The following ATM variants were observed in gnomAD, a reference collection of about 807,000 sequenced individuals.
ATM encodes serine-protein kinase ATM.
In ATM, 308 loss-of-function variants were observed where a neutral mutation model predicts 387.0. The observed-to-expected ratio is 0.80, with a 90% confidence interval of 0.73 to 0.87. The LOEUF is 0.87. Among genes scored for constraint, ATM ranks in the 40% least tolerant of loss-of-function variants. The probability of loss-of-function intolerance (pLI) is 0.00; values close to 1 mark genes in which losing one functional copy is unlikely to be tolerated. For missense variants in ATM, 3,312 were observed against 3,560.9 expected (o/e 0.93, Z 1.78); for synonymous variants, 1,156 against 1,187.3 (o/e 0.97, Z 0.54).
intron 61 of ATM, among the ~76,000 whole-genome samples, chr11:108,357,098 C>T (rs1004335561): frequency 3.3e-5 from 5 of 152,146 alleles, no homozygotes; most frequent in Middle Eastern, 3.2e-3. Flanking sequence ...GCACTGTGCG[C>T]GAACTGAAGC....
intron 7 of ATM, 24 bp downstream of exon 7, chr11:108,245,050 T>C (rs1298238835): frequency 6.4e-7 from 1 of 1,555,866 alleles, no homozygotes; most frequent in Non-Finnish European, 8.8e-7. Context: ...GTTTACTGTT[T>C]TGAATTTGCT....
At chr11:108,302,801 T>A (rs2135925560) in intron 35 of ATM, 52 bp from the exon 36 acceptor site, 1 of 1,507,592 alleles carries the variant, frequency 6.6e-7, no homozygotes. Context: ...GTAGGAAAGG[T>A]ACAATGATTT....
intron 61 of ATM, 109 bp downstream of exon 61, chr11:108,354,983 G>C: frequency 1.1e-6 from 1 of 942,688 alleles, no homozygotes; most frequent in East Asian, 2.4e-5. Context: ...AACATAGGGG[G>C]ATGTGGCTGG....
intron 4 of ATM, 34 bp downstream of exon 4, chr11:108,229,357 T>G (rs1314528014): frequency 6.4e-7 from 1 of 1,566,906 alleles, no homozygotes; most frequent in Admixed American, 1.7e-5. Flanking sequence ...ATAAATGGCT[T>G]AACAGATTAC....
At chr11:108,233,233 T>C (rs2079107605) in intron 4 of ATM, among the ~76,000 whole-genome samples, 1 of 152,108 alleles carries the variant, frequency 6.6e-6, no homozygotes, top group Admixed American at 6.5e-5. Flanking sequence ...AGTGCAAAAC[T>C]CAGCTGCGAA....
rs534161625 is a variant in ATM at position 108,278,620 on chromosome 11, C to T, written c.3285-871C>T. Among the ~76,000 whole-genome samples, 3 of 152,152 alleles carry T rather than the reference C, an allele frequency of 2.0e-5. No homozygotes were observed. The South Asian group carries it at 6.2e-4, about 32-fold the overall frequency. On this transcript the variant is annotated intron_variant, in intron 22 of 62. Transcript: ENST00000675843. Reference sequence around the variant, plus strand: ...AGGGCCTCAGACTCATGGCAGAAGGCAAAGAGGAATCAGTGTGTGCAGAGA... The same window carrying T: ...AGGGCCTCAGACTCATGGCAGAAGGTAAAGAGGAATCAGTGTGTGCAGAGA...
intron 26 of ATM, among the ~76,000 whole-genome samples, chr11:108,286,628 G>A (rs918664800): frequency 1.3e-5 from 2 of 152,156 alleles, no homozygotes; most frequent in African/African-American, 4.8e-5. Flanking sequence ...TAAAAGGGAG[G>A]GGGTTGCAAA....
rs2083441818 is a variant in ATM at position 108,301,725 on chromosome 11, T to C, written c.5255T>C (p.Ile1752Thr). 6.2e-7 allele frequency: 1 copy of C among 1,613,718 alleles called. No homozygotes were observed. The highest frequency in any genetic ancestry group is 8.5e-7 in the Non-Finnish European group (1 of 1,179,772). ...AAGACTGGACATAGTTTCTGGGAGA[T>C]TTATAAGATGACAACAGATCCAATG... ...ATKTGHSFWE[I>T]YKMTTDPMLA... Residue 1752 changes from isoleucine to threonine, a missense_variant, in exon 35 of 63, where the codon ATT (isoleucine) becomes ACT (threonine). Transcript: ENST00000675843.
chr11:108,245,066 A>G lies in ATM; in HGVS notation c.901+40A>G, dbSNP rs1162704096. The G allele has an allele frequency of 3.4e-6, 5 of 1,477,828 alleles. No individual in the cohort carries two copies. The East Asian group carries it at 6.8e-5, about 20-fold the overall frequency. The allele number at this position is 1,477,828 out of a possible 1,614,324, so 91.5% of individuals were successfully genotyped here. A position where few individuals can be genotyped will look rare whatever the true frequency, so the allele number is the denominator to read the frequency against. On this transcript the variant is annotated intron_variant, in intron 7 of 62. Coordinates refer to ENST00000675843, the MANE Select transcript of ATM (RefSeq NM_000051.4). ...TTTACTGTTTTGAATTTGCTTCTTC[A>G]TTCAAACATAGAAGTCTAAGTATAA...
At position 108,335,029 on chromosome 11, in the gene ATM, C is replaced by T. The variant is rs531980488; in HGVS notation, c.8071C>T (p.Arg2691Cys). The change falls in exon 55 of 63, where the codon CGC becomes TGC. Residue 2691 changes from arginine to cysteine, a missense_variant. Transcript: ENST00000675843. ...VTIQSFKAEF[R>C]LAGGVNLPKI... Reference sequence around the variant, plus strand: ...TATACAGTCATTTAAAGCAGAATTTCGCTTAGCAGGAGGTGTAAATTTACC... The same window carrying T: ...TATACAGTCATTTAAAGCAGAATTTTGCTTAGCAGGAGGTGTAAATTTACC... The T allele has an allele frequency of 3.9e-5, 63 of 1,613,840 alleles. No homozygotes were observed. In the Admixed American group the frequency reaches 4.3e-4, roughly 11 times the overall value.
chr11:108,233,822 G>T (rs1263395045), intron 4 of ATM, among the ~76,000 whole-genome samples: 1 of 152,008 alleles, frequency 6.6e-6, no homozygotes, highest in Non-Finnish European at 1.5e-5. Context: ...ACTCCAGCTT[G>T]GGTGACAGAG....
In ATM at chr11:108,267,427, G is replaced by T. The variant is rs73561600; in HGVS notation, c.2638+85G>T. On this transcript the variant is annotated intron_variant, in intron 17 of 62. Transcript: ENST00000675843. ...AAGAGGCCTCATTGATATCAATTTT[G>T]TGCTTATTTCATTTTCTCTTAGTAT... 4.1e-3 allele frequency: 5,171 copies of T among 1,272,396 alleles called. 146 individuals are homozygous for T. The African/African-American group carries it at 0.063, about 16-fold the overall frequency. 78.8% of individuals were successfully genotyped at this position (1,272,396 alleles called of 1,614,324 possible).
chr11:108,330,598 G>A (rs2086153431), intron 50 of ATM, among the ~76,000 whole-genome samples, 177 bp downstream of exon 50: 1 of 152,188 alleles, frequency 6.6e-6, no homozygotes, highest in South Asian at 2.1e-4. Flanking sequence ...TTATTTACAA[G>A]TTCTAGTCTT....
intron 37 of ATM, among the ~76,000 whole-genome samples, chr11:108,306,513 TATC>T (rs1401141128): frequency 6.6e-5 from 10 of 152,238 alleles, no homozygotes; most frequent in Admixed American, 2.6e-4. Context: ...GGTAATTTGT[TATC>T]ATGAACATGG....
intron 45 of ATM, among the ~76,000 whole-genome samples, chr11:108,323,655 C>T (rs571089571): frequency 1.5e-4 from 23 of 152,150 alleles, no homozygotes; most frequent in African/African-American, 5.1e-4. Context: ...AAATATCACA[C>T]GTACCTCATA....
chr11:108,354,058 TACACACACACAAACACACACACACACAC>T (rs1234157754), intron 60 of ATM, among the ~76,000 whole-genome samples, 178 bp downstream of exon 60: 1 of 67,008 alleles, frequency 1.5e-5, no homozygotes, highest in Non-Finnish European at 3.1e-5. Flanking sequence ...TCTAAAAAAA[TACACACACACAAACACACACACACACAC>T]ACACACACAC....
intron 59 of ATM, among the ~76,000 whole-genome samples, chr11:108,348,537 T>C (rs112759339): frequency 0.018 from 2,690 of 151,914 alleles, 79 homozygotes; most frequent in African/African-American, 0.06. Context: ...ATGGGATTTC[T>C]AGGTGGAATA....
chr11:108,343,417 G>A (rs369998670), intron 57 of ATM, 46 bp downstream of exon 57: 1 of 1,601,504 alleles, frequency 6.2e-7, no homozygotes, highest in Non-Finnish European at 8.6e-7. Flanking sequence ...TTATTTAATG[G>A]CTTATTAAAG....
At chr11:108,349,987 G>T (rs528422403) in intron 59 of ATM, among the ~76,000 whole-genome samples, 1 of 152,122 alleles carries the variant, frequency 6.6e-6, no homozygotes, top group Non-Finnish European at 1.5e-5. Flanking sequence ...ATTTGCTATT[G>T]TGTTTTTGCT....
Sources: allele counts gnomAD v4.1 joint callset (sites outside exome capture counted in the v4.1 genomes callset), GRCh38; gene constraint gnomAD v4.1.1; transcripts MANE v1.5; gene names NCBI Gene and HGNC (gene_info 2026-07-23, HGNC 2026-07-21).